FGF13: variants seen among roughly 807,000 people sequenced by gnomAD.
FGF13 encodes fibroblast growth factor homologous factor 2.
Under a neutral mutation model 19.5 loss-of-function variants are expected in FGF13, and 2 were observed. That is an observed-to-expected ratio of 0.10 (90% CI 0.04 to 0.32). FGF13 has a LOEUF of 0.32. FGF13 is among the 10% of genes least tolerant of loss of function. The pLI is 1.00. For synonymous variants in FGF13, 72 were observed against 76.9 expected, an observed-to-expected ratio of 0.94 and a Z score of 0.33; for missense variants, 113 against 192.7, an observed-to-expected ratio of 0.59 and a Z score of 2.45.
chrX:138,979,608 T>C (rs1386440664), intron 1 of FGF13, among the ~76,000 whole-genome samples: 6 of 110,374 alleles, frequency 5.4e-5, no homozygotes, highest in African/African-American at 2.0e-4. Flanking sequence ...CTTCTCATCC[T>C]GAATTTTAGT....
intron 3 of FGF13, among the ~76,000 whole-genome samples, chrX:138,807,905 T>C (rs1338873030): frequency 2.7e-5 from 3 of 111,611 alleles, no homozygotes; most frequent in Non-Finnish European, 3.8e-5. Context: ...CCTAAATATA[T>C]ATGCACCCAA....
At chrX:139,144,419 C>T (rs922062031) in intron 1 of FGF13, among the ~76,000 whole-genome samples, 1 of 111,825 alleles carries the variant, frequency 8.9e-6, no homozygotes, top group African/African-American at 3.2e-5. Flanking sequence ...AGAAACAAAG[C>T]CCTGAGATTG....
chrX:138,967,388 T>G (rs1264720626), intron 1 of FGF13, among the ~76,000 whole-genome samples: 1 of 111,287 alleles, frequency 9.0e-6, no homozygotes, highest in Non-Finnish European at 1.9e-5. Context: ...CTAAGCTCAA[T>G]GCACACAATT....
rs145109066 is a variant in FGF13 at position 139,004,017 on chromosome X, G to A, written c.-112-139367C>T. On this transcript the variant is annotated intron_variant, in intron 1 of 2. Coordinates refer to the FGF13 transcript ENST00000421460. Reference sequence around the variant, plus strand: ...TGGAGCTGCCTGCCAGTACTGCGCCGTGCACTCGCATTCCTTGGCCCTTGG... The same window carrying A: ...TGGAGCTGCCTGCCAGTACTGCGCCATGCACTCGCATTCCTTGGCCCTTGG... Among the ~76,000 whole-genome samples, 823 of 112,504 alleles carry A rather than the reference G, an allele frequency of 7.3e-3. 5 individuals carry two copies. Among genetic ancestry groups the A allele is most frequent in the African/African-American group, 0.024 (732 of 30,996 alleles).
intron 3 of FGF13, among the ~76,000 whole-genome samples, chrX:138,654,673 G>A (rs772023190): frequency 1.8e-5 from 2 of 111,109 alleles, no homozygotes; most frequent in African/African-American, 6.6e-5. Flanking sequence ...CCCGGGAGGC[G>A]GAGGTTGCAA....
intron 1 of FGF13, among the ~76,000 whole-genome samples, chrX:138,738,961 A>G (rs929512553): frequency 1.8e-5 from 2 of 111,155 alleles, no homozygotes; most frequent in Admixed American, 9.6e-5. Context: ...ATGTAAATAG[A>G]GTTTTAAATG....
chrX:139,037,802 T>C (rs1350614069), intron 1 of FGF13, among the ~76,000 whole-genome samples: 1 of 112,525 alleles, frequency 8.9e-6, no homozygotes, highest in Non-Finnish European at 1.9e-5. Flanking sequence ...AGGTAATATA[T>C]TCACCTGTTC....
At chrX:138,793,475 G>A (rs1041106328) in intron 3 of FGF13, among the ~76,000 whole-genome samples, 1 of 111,688 alleles carries the variant, frequency 9.0e-6, no homozygotes, top group Non-Finnish European at 1.9e-5. Context: ...GCAAGGCATA[G>A]GGAATCAATG....
intron 1 of FGF13, among the ~76,000 whole-genome samples, chrX:139,102,452 T>G (rs1030380298): frequency 7.2e-5 from 8 of 111,869 alleles, no homozygotes; most frequent in African/African-American, 2.6e-4. Flanking sequence ...GCTCTATTAC[T>G]TACTTGCTGA....
At chrX:138,970,425 C>T (rs746654123) in intron 1 of FGF13, among the ~76,000 whole-genome samples, 1 of 111,213 alleles carries the variant, frequency 9.0e-6, no homozygotes, top group Non-Finnish European at 1.9e-5. Flanking sequence ...ATATTGTTCT[C>T]CACAATGACA....
At chrX:138,780,023 GA>G (rs1266667150) in intron 3 of FGF13, among the ~76,000 whole-genome samples, 2 of 101,696 alleles carry the variant, frequency 2.0e-5, no homozygotes, top group Non-Finnish European at 4.0e-5. Flanking sequence ...CATTCTTAAA[GA>G]AAAGAATTTT....
At chrX:138,733,460 A>T (rs2090248425) in intron 1 of FGF13, among the ~76,000 whole-genome samples, 1 of 111,719 alleles carries the variant, frequency 9.0e-6, no homozygotes, top group Non-Finnish European at 1.9e-5. Context: ...ATATATAAAG[A>T]TCTTTCAATC....
intron 1 of FGF13, among the ~76,000 whole-genome samples, chrX:139,113,799 G>A (rs933789685): frequency 8.9e-6 from 1 of 111,877 alleles, no homozygotes; most frequent in Non-Finnish European, 1.9e-5. Context: ...ACTTGGCCAA[G>A]TGCCTGTTGC....
chrX:138,799,326 T>C lies in FGF13; in HGVS notation c.217+58186A>G, dbSNP rs184379792. Among the ~76,000 whole-genome samples the C allele has an allele frequency of 1.5e-3, 173 of 112,077 alleles. 2 individuals are homozygous for C. The highest frequency in any genetic ancestry group is 5.4e-3 in the African/African-American group (167 of 30,862). ...CTTCATTTCGTTATTTACCCAGTAG[T>C]CATTCAGGAGCAGGTTGTTCAGTTT... On this transcript the variant is annotated intron_variant, in intron 3 of 6. Transcript: ENST00000436198.
intron 2 of FGF13, among the ~76,000 whole-genome samples, chrX:138,862,027 G>A (rs763663773): frequency 9.0e-6 from 1 of 111,662 alleles, no homozygotes; most frequent in Non-Finnish European, 1.9e-5. Flanking sequence ...AATAAATAAA[G>A]TAAGACAACT....
At chrX:138,736,337 G>A (rs977303747) in intron 1 of FGF13, among the ~76,000 whole-genome samples, 7 of 112,214 alleles carry the variant, frequency 6.2e-5, no homozygotes, top group South Asian at 7.3e-4. Flanking sequence ...ATTGAAGATG[G>A]TCATTTATGC....
Position 138,620,511 on chromosome X carries a change from CCATAGTACTACAGGAAAATCATCAATCA to C in FGF13, c.*12311_*12338del, listed in dbSNP as rs2124068383. 1 of 110,255 alleles carries C rather than the reference CCATAGTACTACAGGAAAATCATCAATCA, an allele frequency of 9.1e-6. No individual in the cohort carries two copies. Among genetic ancestry groups the C allele is most frequent in the Non-Finnish European group, 1.9e-5 (1 of 52,704 alleles). The allele number at this position is 110,255 out of a possible 1,213,427, so 9.1% of individuals were successfully genotyped here. A position where few individuals can be genotyped will look rare whatever the true frequency, so the allele number is the denominator to read the frequency against. On this transcript the variant is annotated 3_prime_UTR_variant, in exon 5 of 5. Coordinates refer to ENST00000315930, the MANE Select transcript of FGF13 (RefSeq NM_004114.5). ...AATTATTAAAAAAAAAGAAATCAAA[CCATAGTACTACAGGAAAATCATCAATCA>C]CAAAGAAAGACAGCAAGAGAGGAAG...
At chrX:139,141,054 T>C (rs1312919323) in intron 1 of FGF13, among the ~76,000 whole-genome samples, 1 of 74,723 alleles carries the variant, frequency 1.3e-5, no homozygotes, top group Non-Finnish European at 2.9e-5. Flanking sequence ...AGATGATAGA[T>C]AGATAGATAG....
At chrX:138,820,979 T>C (rs1008625609) in intron 3 of FGF13, among the ~76,000 whole-genome samples, 1 of 111,072 alleles carries the variant, frequency 9.0e-6, no homozygotes, top group African/African-American at 3.3e-5. Flanking sequence ...ATTCAGAAAA[T>C]TGGGCATTGC....
Sources: allele counts gnomAD v4.1 joint callset (sites outside exome capture counted in the v4.1 genomes callset), GRCh38; gene constraint gnomAD v4.1.1; transcripts MANE v1.5; gene names NCBI Gene and HGNC (gene_info 2026-07-23, HGNC 2026-07-21).